DAPK1: variants seen among roughly 807,000 people sequenced by gnomAD.
The protein encoded by DAPK1 is death associated protein kinase 1.
Under a neutral mutation model 144.9 loss-of-function variants are expected in DAPK1, and 56 were observed. That is an observed-to-expected ratio of 0.39 (90% CI 0.31 to 0.48). DAPK1 has a LOEUF of 0.48. Among genes scored for constraint, DAPK1 ranks in the 20% least tolerant of loss-of-function variants. The probability of loss-of-function intolerance (pLI) is 0.95; values close to 1 mark genes in which losing one functional copy is unlikely to be tolerated. For missense variants in DAPK1, 1,454 were observed against 1,875.4 expected (o/e 0.78, Z 4.15); for synonymous variants, 690 against 749.0 (o/e 0.92, Z 1.29).
intron 24 of DAPK1, 100 bp downstream of exon 24, chr9:87,700,337 G>A (rs944291666): frequency 1.1e-6 from 1 of 869,822 alleles, no homozygotes; most frequent in African/African-American, 1.7e-5. Context: ...AGTAAGAGGT[G>A]TCTGCCTGGA....
intron 2 of DAPK1, among the ~76,000 whole-genome samples, chr9:87,563,509 C>T (rs1827006678): frequency 6.6e-6 from 1 of 152,188 alleles, no homozygotes. Context: ...TTGGGGCTGG[C>T]CTTGTGGCTT....
chr9:87,566,194 T>A (rs10217346), intron 2 of DAPK1, among the ~76,000 whole-genome samples: 7,525 of 152,018 alleles, frequency 0.05, 578 homozygotes, highest in African/African-American at 0.17. Context: ...CTAATTTTTT[T>A]GTATTTTTAG....
chr9:87,534,362 A>T (rs1425532121), intron 2 of DAPK1, among the ~76,000 whole-genome samples: 4 of 151,592 alleles, frequency 2.6e-5, no homozygotes, highest in African/African-American at 9.7e-5. Flanking sequence ...GGGCAGGGGT[A>T]CCACACTGGA....
chr9:87,589,968 A>T (rs1243286240), intron 2 of DAPK1, among the ~76,000 whole-genome samples: 2 of 152,202 alleles, frequency 1.3e-5, no homozygotes, highest in African/African-American at 2.4e-5. Flanking sequence ...TTTAAAATCT[A>T]TATCCGTTTC....
At chr9:87,671,634 A>G (rs1013691153) in intron 19 of DAPK1, among the ~76,000 whole-genome samples, 2 of 151,946 alleles carry the variant, frequency 1.3e-5, no homozygotes, top group Non-Finnish European at 2.9e-5. Flanking sequence ...CCAAGTAGCT[A>G]GGACTACAGG....
At chr9:87,632,093 A>AATAT (rs373422206) in intron 3 of DAPK1, 39 of 591,234 alleles carry the variant, frequency 6.6e-5, no homozygotes, top group African/African-American at 1.4e-4. Flanking sequence ...TATATGTAGA[A>AATAT]ATATATATAT....
At chr9:87,663,844 ATCTG>A (rs1291073590) in intron 18 of DAPK1, among the ~76,000 whole-genome samples, 1 of 151,858 alleles carries the variant, frequency 6.6e-6, no homozygotes, top group Admixed American at 6.6e-5. Context: ...GGGCTTCCGC[ATCTG>A]TCTGTCACTC....
chr9:87,607,875 G>A (rs892364249), intron 3 of DAPK1, among the ~76,000 whole-genome samples: 5 of 152,164 alleles, frequency 3.3e-5, no homozygotes, highest in African/African-American at 1.2e-4. Flanking sequence ...CCTGAGACTG[G>A]GTAATTTGTG....
rs1293639768 is a variant in DAPK1, at chr9:87,706,294, G to C, written c.3223G>C (p.Asp1075His). The C allele has an allele frequency of 6.2e-7, 1 of 1,611,830 alleles. No homozygotes were observed. Among genetic ancestry groups the C allele is most frequent in the Admixed American group, 1.7e-5 (1 of 59,706 alleles). Residue 1075 changes from aspartate to histidine, a missense_variant, in exon 26 of 26, where the codon GAC becomes CAC. Physicochemically the swap from Asp to His is moderately conservative, Grantham distance 81 (BLOSUM62 -1). Coordinates refer to ENST00000408954, the MANE Select transcript of DAPK1 (RefSeq NM_004938.4). This position sits in a 1 kb window ranked among gnomAD's most constrained non-coding sequence, Gnocchi z 9.0. ...TVEDIQRLVPDSDVEELLQIL... is the reference protein window; with the variant it reads ...TVEDIQRLVPHSDVEELLQIL... ...GGAGGACATCCAGCGCCTGGTGCCC[G>C]ACAGCGACGTGGAGGAGCTGCTGCA... is the stretch of plus-strand genomic sequence containing the variant.
chr9:87,511,020 G>A (rs1395955394), intron 2 of DAPK1, among the ~76,000 whole-genome samples: 1 of 152,156 alleles, frequency 6.6e-6, no homozygotes, highest in African/African-American at 2.4e-5. Flanking sequence ...ACATGCTTCT[G>A]AATCTGTGTT....
chr9:87,632,608 G>GTATATATATATATATA (rs1459653851), intron 3 of DAPK1: 1 of 977,992 alleles, frequency 1.0e-6, no homozygotes, highest in African/African-American at 1.8e-5. Flanking sequence ...ATGTATATAG[G>GTATATATATATATATA]AATGAAGGGT....
chr9:87,565,931 C>T (rs146202856), intron 2 of DAPK1, among the ~76,000 whole-genome samples: 1 of 152,194 alleles, frequency 6.6e-6, no homozygotes, highest in East Asian at 1.9e-4. Context: ...GAAACTGAGA[C>T]CCAGAGAAGT....
At position 87,498,046 on chromosome 9, in the gene DAPK1, G is replaced by T; in HGVS notation, c.-170G>T. Reference sequence around the variant, plus strand: ...GCCGCCCCGGCTAGTCTCCGGCGCTGGCGCCTATGGTCGGCCTCCGACAGC... The same window carrying T: ...GCCGCCCCGGCTAGTCTCCGGCGCTTGCGCCTATGGTCGGCCTCCGACAGC... On this transcript the variant is annotated 5_prime_UTR_variant, in exon 1 of 26. Transcript: ENST00000408954. The T allele has an allele frequency of 2.5e-6, 1 of 397,926 alleles. No homozygotes were observed. Among genetic ancestry groups the T allele is most frequent in the South Asian group, 1.3e-4 (1 of 7,694 alleles). The allele number at this position is 397,926 out of a possible 1,614,324, so 24.6% of individuals were successfully genotyped here.
chr9:87,618,780 C>T (rs1190333671), intron 3 of DAPK1, among the ~76,000 whole-genome samples: 1 of 152,098 alleles, frequency 6.6e-6, no homozygotes, highest in African/African-American at 2.4e-5. Flanking sequence ...AGGGTGGCTA[C>T]TCATGGACAC....
intron 2 of DAPK1, among the ~76,000 whole-genome samples, chr9:87,501,620 C>T (rs969622468): frequency 1.3e-5 from 2 of 152,124 alleles, no homozygotes; most frequent in African/African-American, 4.8e-5. Flanking sequence ...ATTCACTTAC[C>T]TTATAAATGT....
chr9:87,575,415 C>G (rs1827520608), intron 2 of DAPK1, among the ~76,000 whole-genome samples: 1 of 152,078 alleles, frequency 6.6e-6, no homozygotes, highest in South Asian at 2.1e-4. Context: ...GGCCTCGCCT[C>G]AGCACCAGAA....
At chr9:87,557,145 T>G (rs1440835401) in intron 2 of DAPK1, among the ~76,000 whole-genome samples, 1 of 152,214 alleles carries the variant, frequency 6.6e-6, no homozygotes, top group East Asian at 1.9e-4. Context: ...GCTCAGTGTC[T>G]GGCATTGTAA....
At position 87,707,800 on chromosome 9, in the gene DAPK1, A is replaced by G. The variant is rs1317767516; in HGVS notation, c.*436A>G. 4.4e-6 allele frequency: 2 copies of G among 456,652 alleles called. No homozygotes were observed. The highest frequency in any genetic ancestry group is 8.8e-6 in the Non-Finnish European group (2 of 227,856). The allele number at this position is 456,652 out of a possible 1,614,324, so 28.3% of individuals were successfully genotyped here. On this transcript the variant is annotated 3_prime_UTR_variant, in exon 26 of 26. Transcript: ENST00000408954. This position sits in a 1 kb window ranked among gnomAD's most constrained non-coding sequence, Gnocchi z 4.0. ...TATTTCTTATACGCTTTTCTTTGTT[A>G]TACCATTTCCTCAGCTTATCTCTTT... is the stretch of plus-strand genomic sequence containing the variant.
intron 2 of DAPK1, among the ~76,000 whole-genome samples, chr9:87,587,433 C>G (rs931184591): frequency 6.6e-6 from 1 of 152,136 alleles, no homozygotes; most frequent in Non-Finnish European, 1.5e-5. Context: ...TTTGAGGCTC[C>G]TTTGAATTCA....
Sources: allele counts gnomAD v4.1 joint callset (sites outside exome capture counted in the v4.1 genomes callset), GRCh38; gene constraint gnomAD v4.1.1; non-coding constraint Gnocchi (gnomAD v3.1); transcripts MANE v1.5; gene names NCBI Gene and HGNC (gene_info 2026-07-23, HGNC 2026-07-21).